Variants in SDF2L1 observed in about 807,000 individuals in gnomAD.
SDF2L1 encodes stromal cell derived factor 2 like 1.
In SDF2L1, 18 loss-of-function variants were observed where a neutral mutation model predicts 19.4. The ratio of observed to expected loss-of-function variants is 0.93; its 90% CI spans 0.64 to 1.38. The LOEUF (loss-of-function observed/expected upper bound fraction) is 1.38. Among genes scored for constraint, SDF2L1 ranks in the 40% most tolerant of loss-of-function variants. The pLI, the probability that SDF2L1 is intolerant of heterozygous loss-of-function variation, is 0.00. For missense variants in SDF2L1, 263 were observed against 319.4 expected (o/e 0.82, Z 1.35); for synonymous variants, 161 against 148.9 (o/e 1.08, Z -0.59).
intron 2 of SDF2L1, 61 bp downstream of exon 2, chr22:21,643,119 GC>G: frequency 3.3e-6 from 5 of 1,521,728 alleles, no homozygotes; most frequent in Non-Finnish European, 4.4e-6. Flanking sequence ...CAGAGACAGA[GC>G]CCTGGGTTCC....
chr22:21,642,648 T>C (rs937482978), intron 1 of SDF2L1, 125 bp downstream of exon 1: 4 of 1,273,546 alleles, frequency 3.1e-6, no homozygotes, highest in Non-Finnish European at 4.2e-6. Context: ...TCTAGAGTCG[T>C]TGGGAGGTCG....
rs763448016 is a variant in SDF2L1 at position 21,644,000 on chromosome 22, A to G, written c.491A>G (p.His164Arg). The G allele has an allele frequency of 1.2e-6, 2 of 1,614,074 alleles. No homozygotes were observed. The highest frequency in any genetic ancestry group is 2.2e-5 in the East Asian group (1 of 44,898). ...CGTGAGGCTGCTGTGCGCTTCCAGCATGTGGGCACCTCTGTGTTCCTGTCA... is the reference window on the plus strand; with the variant it reads ...CGTGAGGCTGCTGTGCGCTTCCAGCGTGTGGGCACCTCTGTGTTCCTGTCA... ...WEREAAVRFQ[H>R]VGTSVFLSVT... Residue 164 changes from histidine (H) to arginine (R), a missense_variant, in exon 3 of 3, where the codon CAT (histidine) becomes CGT (arginine). Around this residue, in one of 3 missense-constraint regions of SDF2L1, gnomAD observed 203 missense variants for 256.9 expected, o/e 0.79. Transcript: ENST00000248958.
At chr22:21,643,434 G>A in intron 2 of SDF2L1, 1 of 441,562 alleles carries the variant, frequency 2.3e-6, no homozygotes, top group South Asian at 2.7e-5. Context: ...AGCCACAAAG[G>A]GGAAAGAGAG....
chr22:21,642,517 G>T lies in SDF2L1; in HGVS notation c.181G>T (p.Gly61Ter). ...VRLHSHDIKY[G>*]SGSGQQSVTG... ...GCTGCACTCGCACGACATCAAATAC[G>T]GATCCGGTGCGTGGGGCCAGCGACT... The change falls in exon 1 of 3, where the codon GGA (glycine) becomes TGA (stop). Residue 61 changes from glycine to a stop codon, truncating the protein, a stop_gained. Transcript: ENST00000248958. LOFTEE classifies it high-confidence loss of function. 1 of 1,520,686 alleles carries T rather than the reference G, an allele frequency of 6.6e-7. No homozygotes were observed. Among genetic ancestry groups the T allele is most frequent in the Non-Finnish European group, 8.8e-7 (1 of 1,139,606 alleles). The allele number at this position is 1,520,686 out of a possible 1,614,324, so 94.2% of individuals were successfully genotyped here. A position where few individuals can be genotyped will look rare whatever the true frequency, so the allele number is the denominator to read the frequency against.
At position 21,642,863 on chromosome 22, in the gene SDF2L1, C is replaced by T. The variant is rs1409193597; in HGVS notation, c.189C>T (p.Gly63=). 3 of 1,593,486 alleles carry T rather than the reference C, an allele frequency of 1.9e-6. No individual in the cohort carries two copies. Among genetic ancestry groups the T allele is most frequent in the Middle Eastern group, 2.2e-4 (1 of 4,454 alleles). ...LHSHDIKYGS[G]SGQQSVTGVE... is the part of the protein sequence containing the mutation. ...GGTGTGTGGGGTGTCACTCCTCAGGCAGCGGCCAGCAATCGGTGACCGGCG... is the reference window on the plus strand; with the variant it reads ...GGTGTGTGGGGTGTCACTCCTCAGGTAGCGGCCAGCAATCGGTGACCGGCG... Residue 63 remains glycine, a splice_region_variant and synonymous_variant, in exon 2 of 3, where the codon GGC becomes GGT. Transcript: ENST00000248958.
chr22:21,644,135 A>G lies in SDF2L1; in HGVS notation c.626A>G (p.Lys209Arg). 1 of 1,614,134 alleles carries G rather than the reference A, an allele frequency of 6.2e-7. No homozygotes were observed. The highest frequency in any genetic ancestry group is 8.5e-7 in the Non-Finnish European group (1 of 1,180,016). ...AAGGCCATGGAAGGCATCTTCATCA[A>G]GCCTAGTGTGGAGCCCTCTGCAGGT... Reference protein sequence around the residue: ...TWKAMEGIFIKPSVEPSAGHD... With the variant: ...TWKAMEGIFIRPSVEPSAGHD... The change falls in exon 3 of 3, where the codon AAG becomes AGG. Residue 209 changes from lysine to arginine, a missense_variant. Physicochemically the swap from Lys to Arg is conservative, Grantham distance 26. Transcript: ENST00000248958.
At chr22:21,642,781 G>A (rs13054355) in intron 1 of SDF2L1, 81 bp from the exon 2 acceptor site, 215,676 of 1,488,436 alleles carry the variant, frequency 0.14, 17,822 homozygotes, top group Non-Finnish European at 0.17. Flanking sequence ...GGGTCCCCTG[G>A]GACATGTTCT....
intron 2 of SDF2L1, 80 bp downstream of exon 2, chr22:21,643,138 G>C (rs958354797): frequency 1.4e-6 from 2 of 1,463,654 alleles, no homozygotes; most frequent in South Asian, 2.6e-5. Flanking sequence ...TCCAATCCGA[G>C]CCTCAGCTTC....
At chr22:21,643,245 G>GGCCC (rs1277910980) in intron 2 of SDF2L1, 187 bp downstream of exon 2, 1 of 680,618 alleles carries the variant, frequency 1.5e-6, no homozygotes, top group Admixed American at 3.0e-5. Context: ...AGGTGCTCCC[G>GGCCC]GCCCGGCAGG....
At position 21,644,001 on chromosome 22, in the gene SDF2L1, T is replaced by C; in HGVS notation, c.492T>C (p.His164=). Residue 164 remains histidine, a synonymous_variant, in exon 3 of 3, where the codon CAT becomes CAC. Coordinates refer to ENST00000248958, the MANE Select transcript of SDF2L1 (RefSeq NM_022044.3). ...WEREAAVRFQ[H]VGTSVFLSVT... is the part of the protein sequence containing the mutation. ...GTGAGGCTGCTGTGCGCTTCCAGCATGTGGGCACCTCTGTGTTCCTGTCAG... is the reference window on the plus strand; with the variant it reads ...GTGAGGCTGCTGTGCGCTTCCAGCACGTGGGCACCTCTGTGTTCCTGTCAG... 1.9e-6 allele frequency: 3 copies of C among 1,614,152 alleles called. No individual in the cohort carries two copies. The highest frequency in any genetic ancestry group is 2.5e-6 in the Non-Finnish European group (3 of 1,180,028).
At position 21,642,912 on chromosome 22, in the gene SDF2L1, A is replaced by G. The variant is rs2066091482; in HGVS notation, c.238A>G (p.Ser80Gly). Residue 80 changes from serine (S) to glycine (G), a missense_variant, in exon 2 of 3, where the codon AGC (serine) becomes GGC (glycine). By Grantham distance (56) the Ser-to-Gly change is moderately conservative. This residue lies in a region of SDF2L1 where 203 missense variants were observed against 256.9 expected (regional missense o/e 0.79). Coordinates refer to ENST00000248958, the MANE Select transcript of SDF2L1 (RefSeq NM_022044.3). The part of the protein sequence containing the change: ...TGVEASDDAN[S>G]YWRIRGGSEG... ...CGTAGAGGCGTCGGACGACGCCAAT[A>G]GCTACTGGCGGATCCGCGGCGGCTC... 2.5e-6 allele frequency: 4 copies of G among 1,592,732 alleles called. No individual in the cohort carries two copies. The highest frequency in any genetic ancestry group is 3.4e-6 in the Non-Finnish European group (4 of 1,171,396).
chr22:21,644,279 T>C lies in SDF2L1; in HGVS notation c.*104T>C. On this transcript the variant is annotated 3_prime_UTR_variant, in exon 3 of 3. Transcript: ENST00000248958. ...TAGGGGTCCTCAAGTGCCTTTGTGA[T>C]TAAAGAATGTTGGTCTATGATTGCG... 8.0e-7 allele frequency: 1 copy of C among 1,249,456 alleles called. No individual in the cohort carries two copies. Among genetic ancestry groups the C allele is most frequent in the Non-Finnish European group, 1.1e-6 (1 of 882,782 alleles). The allele number at this position is 1,249,456 out of a possible 1,614,324, so 77.4% of individuals were successfully genotyped here. A position where few individuals can be genotyped will look rare whatever the true frequency, so the allele number is the denominator to read the frequency against.
chr22:21,644,164 GA>G lies in SDF2L1; in HGVS notation c.656del (p.Asp219ValfsTer38), dbSNP rs759880508. On this transcript the variant is annotated frameshift_variant, in exon 3 of 3. Transcript: ENST00000248958. LOFTEE classifies it high-confidence loss of function. ...TAGTGTGGAGCCCTCTGCAGGTCACGATGAACTCTGAGTGTGTGGATGGATG... is the reference window on the plus strand; with the variant it reads ...TAGTGTGGAGCCCTCTGCAGGTCACGTGAACTCTGAGTGTGTGGATGGATG... ...KPSVEPSAGH[D>X]EL 2.8e-5 allele frequency: 45 copies of G among 1,613,716 alleles called. No homozygotes were observed. Among genetic ancestry groups the G allele is most frequent in the Non-Finnish European group, 3.7e-5 (44 of 1,179,768 alleles).
In SDF2L1 at chr22:21,644,260, T is replaced by A. The variant is rs2066105535; in HGVS notation, c.*85T>A. On this transcript the variant is annotated 3_prime_UTR_variant, in exon 3 of 3. Transcript: ENST00000248958. ...GGCAGAGACTTTGGGTTTGTAGGGG[T>A]CCTCAAGTGCCTTTGTGATTAAAGA... 1 of 1,406,752 alleles carries A rather than the reference T, an allele frequency of 7.1e-7. No individual in the cohort carries two copies. Among genetic ancestry groups the A allele is most frequent in the Non-Finnish European group, 9.9e-7 (1 of 1,011,192 alleles). The allele number at this position is 1,406,752 out of a possible 1,614,324, so 87.1% of individuals were successfully genotyped here. A position where few individuals can be genotyped will look rare whatever the true frequency, so the allele number is the denominator to read the frequency against.
chr22:21,642,885 G>A lies in SDF2L1; in HGVS notation c.211G>A (p.Gly71Ser). Reference protein sequence around the residue: ...GSGSGQQSVTGVEASDDANSY... With the variant: ...GSGSGQQSVTSVEASDDANSY... ...AGGCAGCGGCCAGCAATCGGTGACCGGCGTAGAGGCGTCGGACGACGCCAA... is the reference window on the plus strand; with the variant it reads ...AGGCAGCGGCCAGCAATCGGTGACCAGCGTAGAGGCGTCGGACGACGCCAA... The change falls in exon 2 of 3, where the codon GGC (glycine) becomes AGC (serine). Residue 71 changes from glycine to serine, a missense_variant. Coordinates refer to ENST00000248958, the MANE Select transcript of SDF2L1 (RefSeq NM_022044.3). 1.9e-6 allele frequency: 3 copies of A among 1,596,924 alleles called. No homozygotes were observed. The highest frequency in any genetic ancestry group is 2.6e-6 in the Non-Finnish European group (3 of 1,173,672).
At chr22:21,642,764 G>A (rs2066089489) in intron 1 of SDF2L1, 98 bp from the exon 2 acceptor site, 1 of 1,418,370 alleles carries the variant, frequency 7.1e-7, no homozygotes, top group Non-Finnish European at 9.5e-7. Context: ...CTGGGGGTGA[G>A]CCCTTGGGGT....
At position 21,642,327 on chromosome 22, in the gene SDF2L1, G is replaced by A; in HGVS notation, c.-10G>A. ...CCCTGGGCCCGAGGGGCTGGAGCCG[G>A]GCCGGGGCGATGTGGAGCGCGGGCC... On this transcript the variant is annotated 5_prime_UTR_variant, in exon 1 of 3. Coordinates refer to ENST00000248958, the MANE Select transcript of SDF2L1 (RefSeq NM_022044.3). 3 of 1,356,808 alleles carry A rather than the reference G, an allele frequency of 2.2e-6. No homozygotes were observed. Among genetic ancestry groups the A allele is most frequent in the African/African-American group, 3.1e-5 (2 of 65,002 alleles). 84.0% of individuals were successfully genotyped at this position (1,356,808 alleles called of 1,614,324 possible). A position where few individuals can be genotyped will look rare whatever the true frequency, so the allele number is the denominator to read the frequency against.
chr22:21,642,370 C>T lies in SDF2L1; in HGVS notation c.34C>T (p.Pro12Ser), dbSNP rs2066085334. 2 of 1,416,912 alleles carry T rather than the reference C, an allele frequency of 1.4e-6. No individual in the cohort carries two copies. The highest frequency in any genetic ancestry group is 1.8e-6 in the Non-Finnish European group (2 of 1,093,372). The allele number at this position is 1,416,912 out of a possible 1,614,324, so 87.8% of individuals were successfully genotyped here. A position where few individuals can be genotyped will look rare whatever the true frequency, so the allele number is the denominator to read the frequency against. The change falls in exon 1 of 3, where the codon CCG (proline) becomes TCG (serine). Residue 12 changes from proline (P) to serine (S), a missense_variant. Pro to Ser is a moderately conservative substitution (Grantham distance 74, BLOSUM62 -1). Coordinates refer to ENST00000248958, the MANE Select transcript of SDF2L1 (RefSeq NM_022044.3). ...CGCGGGCCGCGGCGGGGCTGCCTGG[C>T]CGGTGCTGTTGGGGCTGCTGCTGGC... Reference protein sequence around the residue: ...WSAGRGGAAWPVLLGLLLALL... With the variant: ...WSAGRGGAAWSVLLGLLLALL...
At chr22:21,643,194 C>T (rs967942178) in intron 2 of SDF2L1, 136 bp downstream of exon 2, 6 of 1,095,608 alleles carry the variant, frequency 5.5e-6, no homozygotes, top group African/African-American at 4.8e-5. Flanking sequence ...CTGAGCGCCC[C>T]CTCGGGGGAC....
Sources: allele counts gnomAD v4.1 joint callset, GRCh38; gene constraint gnomAD v4.1.1; regional missense constraint gnomAD v4.1.1; transcripts MANE v1.5; gene names NCBI Gene and HGNC (gene_info 2026-07-23, HGNC 2026-07-21).